KCNN2: variants seen among roughly 807,000 people sequenced by gnomAD.
The protein encoded by KCNN2 is small conductance calcium-activated potassium channel protein 2.
A neutral mutation model predicts 55.5 loss-of-function variants in KCNN2; 24 were observed. The ratio of observed to expected loss-of-function variants is 0.43; its 90% confidence interval spans 0.31 to 0.61. The LOEUF (loss-of-function observed/expected upper bound fraction) is 0.61. Among genes scored for constraint, KCNN2 ranks in the 20% least tolerant of loss-of-function variants. The pLI, the probability that KCNN2 is intolerant of heterozygous loss-of-function variation, is 0.08. For synonymous variants in KCNN2, 431 were observed against 336.1 expected (o/e 1.28, Z -3.09); for missense variants, 754 against 853.6 (o/e 0.88, Z 1.45).
At chr5:114,067,615 TAATATA>T (rs1443686672) in intron 1 of KCNN2, among the ~76,000 whole-genome samples, 3 of 152,202 alleles carry the variant, frequency 2.0e-5, no homozygotes, top group Non-Finnish European at 4.4e-5. Context: ...GATTAGAAAT[TAATATA>T]AATATAGAAA....
intron 2 of KCNN2, among the ~76,000 whole-genome samples, chr5:114,254,352 G>T (rs1268545334): frequency 6.6e-6 from 1 of 152,160 alleles, no homozygotes; most frequent in Admixed American, 6.5e-5. Context: ...TCCTGTATAT[G>T]CACAGATTAG....
upstream of KCNN2, among the ~76,000 whole-genome samples, chr5:114,360,640 G>A (rs143407140): frequency 2.9e-4 from 44 of 152,236 alleles, no homozygotes; most frequent in African/African-American, 1.1e-3. Context: ...GCATTGTGTT[G>A]GTACATCTCT....
intron 2 of KCNN2, among the ~76,000 whole-genome samples, chr5:114,243,904 T>C: frequency 6.6e-6 from 1 of 152,198 alleles, no homozygotes; most frequent in Non-Finnish European, 1.5e-5. Flanking sequence ...TTTTTTGGTA[T>C]GAAAACATTC....
intron 3 of KCNN2, among the ~76,000 whole-genome samples, chr5:114,445,937 G>A (rs1760387913): frequency 6.6e-6 from 1 of 152,148 alleles, no homozygotes; most frequent in South Asian, 2.1e-4. Flanking sequence ...GCAGGATCAC[G>A]GGAAGTGACC....
chr5:114,375,849 A>G (rs1757911800), intron 2 of KCNN2, among the ~76,000 whole-genome samples: 1 of 151,488 alleles, frequency 6.6e-6, no homozygotes, highest in South Asian at 2.1e-4. Flanking sequence ...AAAGAAAGCA[A>G]CAACACAATT....
Position 114,411,623 on chromosome 5 carries a change from G to A in KCNN2, c.1637+6767G>A, listed in dbSNP as rs1759137669. ...CTGAGGCACAGGACAGGAGTCTGAA[G>A]TCTAAGGACAGGAGAGGAAGAATGT... On this transcript the variant is annotated intron_variant, in intron 3 of 7. Transcript: ENST00000673685. Among the ~76,000 whole-genome samples, 3 of 152,300 alleles carry A rather than the reference G, an allele frequency of 2.0e-5. No homozygotes were observed. The South Asian group carries it at 6.2e-4, about 32-fold the overall frequency.
intron 1 of KCNN2, among the ~76,000 whole-genome samples, chr5:114,082,258 A>G (rs1009041429): frequency 2.0e-5 from 3 of 152,010 alleles, no homozygotes; most frequent in African/African-American, 2.4e-5. Flanking sequence ...CAGGAGGTCA[A>G]GGCCACAGTG....
chr5:114,299,968 G>A (rs1756118440), intron 2 of KCNN2, among the ~76,000 whole-genome samples: 1 of 152,022 alleles, frequency 6.6e-6, no homozygotes, highest in African/African-American at 2.4e-5. Flanking sequence ...CTCCAACCTG[G>A]AAAAGAGACT....
chr5:114,416,954 A>G (rs1759325419), intron 3 of KCNN2, among the ~76,000 whole-genome samples: 1 of 152,174 alleles, frequency 6.6e-6, no homozygotes, highest in African/African-American at 2.4e-5. Flanking sequence ...TCTTGCGTTA[A>G]AGAAATGGTT....
chr5:114,362,675 G>C lies in KCNN2; in HGVS notation c.536G>C (p.Gly179Ala), dbSNP rs1058999. 11,377 of 1,427,866 alleles carry C rather than the reference G, an allele frequency of 8.0e-3. 806 individuals are homozygous for C. The African/African-American group carries it at 0.15, about 18-fold the overall frequency. The allele number at this position is 1,427,866 out of a possible 1,614,324, so 88.4% of individuals were successfully genotyped here. A position where few individuals can be genotyped will look rare whatever the true frequency, so the allele number is the denominator to read the frequency against. The change falls in exon 1 of 8, where the codon GGG becomes GCG. Residue 179 changes from glycine to alanine, a missense_variant. Gly to Ala is a moderately conservative substitution (Grantham distance 60). Transcript: ENST00000673685. ...GGCAGCCTCGGCAGTCTGGGCTCCG[G>C]GCCCCCGCTCTCGCACCACCACCAC... ...PTGSLGSLGS[G>A]PPLSHHHHHP... is the part of the protein sequence containing the mutation.
intron 1 of KCNN2, among the ~76,000 whole-genome samples, chr5:114,159,871 G>A (rs1402610893): frequency 1.3e-5 from 2 of 151,992 alleles, no homozygotes; most frequent in South Asian, 2.1e-4. Flanking sequence ...ATTTTTTATT[G>A]CGTCTATTTG....
At chr5:114,233,183 G>A (rs1346766620) in intron 2 of KCNN2, among the ~76,000 whole-genome samples, 1 of 151,522 alleles carries the variant, frequency 6.6e-6, no homozygotes, top group East Asian at 1.9e-4. Flanking sequence ...GCCTCCCAAA[G>A]TGCTGGGATT....
intron 2 of KCNN2, among the ~76,000 whole-genome samples, chr5:114,297,550 A>G (rs541451740): frequency 4.5e-4 from 69 of 152,160 alleles, no homozygotes; most frequent in Non-Finnish European, 8.8e-4. Context: ...AATTTGCAAT[A>G]TAACTCAAGG....
At chr5:114,399,255 C>G (rs374008810) in intron 2 of KCNN2, among the ~76,000 whole-genome samples, 9 of 151,950 alleles carry the variant, frequency 5.9e-5, no homozygotes, top group Non-Finnish European at 1.3e-4. Flanking sequence ...AACATGATGG[C>G]CTGTTGAGTT....
intron 1 of KCNN2, among the ~76,000 whole-genome samples, chr5:114,146,710 G>A (rs1305198894): frequency 6.6e-6 from 1 of 152,132 alleles, no homozygotes; most frequent in Non-Finnish European, 1.5e-5. Context: ...TGTACAATTT[G>A]TTTAGCTTGT....
At chr5:114,338,502 AT>A (rs1561576604) in intron 2 of KCNN2, among the ~76,000 whole-genome samples, 1 of 152,222 alleles carries the variant, frequency 6.6e-6, no homozygotes, top group Non-Finnish European at 1.5e-5. Context: ...CACTTTATAG[AT>A]AAAAATGTTG....
At chr5:114,103,145 T>C (rs941433558) in intron 1 of KCNN2, among the ~76,000 whole-genome samples, 3 of 152,170 alleles carry the variant, frequency 2.0e-5, no homozygotes, top group Non-Finnish European at 2.9e-5. Flanking sequence ...CTTGAAGAGA[T>C]CCTCTACATC....
chr5:114,477,133 CATT>C (rs1161463371), intron 5 of KCNN2, among the ~76,000 whole-genome samples: 1 of 107,022 alleles, frequency 9.3e-6, no homozygotes, highest in Admixed American at 1.0e-4. Flanking sequence ...TTCCCTGAAA[CATT>C]ATCTAGAAAG....
intron 1 of KCNN2, among the ~76,000 whole-genome samples, chr5:114,179,426 A>G (rs1044317034): frequency 6.6e-6 from 1 of 152,198 alleles, no homozygotes; most frequent in Non-Finnish European, 1.5e-5. Flanking sequence ...AGAGAACAAG[A>G]GTACCTCCAC....
Sources: allele counts gnomAD v4.1 joint callset (sites outside exome capture counted in the v4.1 genomes callset), GRCh38; gene constraint gnomAD v4.1.1; transcripts MANE v1.5; gene names NCBI Gene and HGNC (gene_info 2026-07-23, HGNC 2026-07-21).